The following ZCWPW2 variants were observed in gnomAD, a reference collection of about 807,000 sequenced individuals.
The protein encoded by ZCWPW2 is zinc finger CW-type PWWP domain protein 2.
In ZCWPW2, 45 loss-of-function variants were observed where a neutral mutation model predicts 46.6. That is an observed-to-expected ratio of 0.96 (90% CI 0.76 to 1.24). The LOEUF (loss-of-function observed/expected upper bound fraction) is 1.24, where lower values mean the gene tolerates loss of function less well. ZCWPW2 is among the 50% of genes most tolerant of loss of function. The pLI is 0.00. For synonymous variants in ZCWPW2, 152 were observed against 137.1 expected, an observed-to-expected ratio of 1.11 and a Z score of -0.76; for missense variants, 429 against 403.9, an observed-to-expected ratio of 1.06 and a Z score of -0.53.
intron 2 of ZCWPW2, among the ~76,000 whole-genome samples, chr3:28,402,354 C>T (rs1695980906): frequency 6.6e-6 from 1 of 152,072 alleles, no homozygotes; most frequent in South Asian, 2.1e-4. Context: ...TGGAAAGATA[C>T]ACCCCTGTTA....
chr3:28,477,870 CATT>C (rs1699290403), intron 4 of ZCWPW2, among the ~76,000 whole-genome samples: 2 of 151,986 alleles, frequency 1.3e-5, no homozygotes, highest in South Asian at 4.2e-4. Flanking sequence ...CATTTAAAAA[CATT>C]ATAAAAATCC....
intron 2 of ZCWPW2, 150 bp downstream of exon 2, chr3:28,390,767 A>G (rs924305335): frequency 4.1e-5 from 26 of 627,896 alleles, no homozygotes; most frequent in Non-Finnish European, 5.2e-5. Flanking sequence ...TTCAGATAAA[A>G]TTAAAATACT....
At chr3:28,519,246 G>T (rs1700656182) in intron 8 of ZCWPW2, among the ~76,000 whole-genome samples, 1 of 152,282 alleles carries the variant, frequency 6.6e-6, no homozygotes, top group East Asian at 1.9e-4. Flanking sequence ...TATTTTGAAA[G>T]AGGTTTTCCA....
At chr3:28,522,644 A>G (rs1301515252) in intron 9 of ZCWPW2, among the ~76,000 whole-genome samples, 5 of 152,188 alleles carry the variant, frequency 3.3e-5, no homozygotes, top group East Asian at 1.9e-4. Flanking sequence ...AAGGAAAGTA[A>G]TATTAACGTT....
At chr3:28,362,846 TGTG>T in intron 1 of ZCWPW2, among the ~76,000 whole-genome samples, 1 of 152,040 alleles carries the variant, frequency 6.6e-6, no homozygotes, top group East Asian at 1.9e-4. Context: ...ATAAAGAAAA[TGTG>T]GTACATATAC....
At chr3:28,400,124 A>C (rs1318570558) in intron 2 of ZCWPW2, among the ~76,000 whole-genome samples, 2 of 152,206 alleles carry the variant, frequency 1.3e-5, no homozygotes, top group Admixed American at 6.5e-5. Context: ...ACACACTTAT[A>C]GAAATGCAAA....
intron 1 of ZCWPW2, among the ~76,000 whole-genome samples, chr3:28,363,084 C>G (rs997546762): frequency 1.3e-5 from 2 of 151,432 alleles, no homozygotes; most frequent in Non-Finnish European, 2.9e-5. Context: ...GGGAGAGGTT[C>G]AGAAAAAAAA....
intron 6 of ZCWPW2, among the ~76,000 whole-genome samples, chr3:28,501,676 A>G (rs143381487): frequency 6.6e-6 from 1 of 152,204 alleles, no homozygotes; most frequent in African/African-American, 2.4e-5. Context: ...TTCCTTACCC[A>G]GAAAGTTTCC....
chr3:28,414,571 A>G (rs1696562682), intron 3 of ZCWPW2, among the ~76,000 whole-genome samples: 1 of 146,036 alleles, frequency 6.8e-6, no homozygotes, highest in African/African-American at 2.6e-5. Context: ...CTCGTCATTT[A>G]GCGTTAGGTA....
intron 5 of ZCWPW2, among the ~76,000 whole-genome samples, chr3:28,489,844 T>C (rs2125814923): frequency 6.6e-6 from 1 of 152,232 alleles, no homozygotes; most frequent in East Asian, 1.9e-4. Flanking sequence ...TTTTTACTCC[T>C]GGACCTAATT....
At position 28,362,201 on chromosome 3, in the gene ZCWPW2, T is replaced by G. The variant is rs570042982; in HGVS notation, c.-134+12998T>G. Among the ~76,000 whole-genome samples the G allele has an allele frequency of 7.2e-5, 11 of 152,268 alleles. No homozygotes were observed. The East Asian group carries it at 1.9e-3, about 27-fold the overall frequency. The stretch of plus-strand genomic sequence containing the variant: ...AATATCCTTCAGCCTTAAAAAAGTT[T>G]AGTTATATAAGATGAAAATGTTCTT... On this transcript the variant is annotated intron_variant, in intron 1 of 9. Coordinates refer to ENST00000383768, the MANE Select transcript of ZCWPW2 (RefSeq NM_001040432.4).
intron 2 of ZCWPW2, among the ~76,000 whole-genome samples, chr3:28,400,256 A>G (rs2125726997): frequency 6.6e-6 from 1 of 152,226 alleles, no homozygotes; most frequent in South Asian, 2.1e-4. Flanking sequence ...AACAAAAAAG[A>G]AAATATGAAC....
chr3:28,376,963 T>C (rs1032676049), intron 1 of ZCWPW2, among the ~76,000 whole-genome samples: 2 of 152,140 alleles, frequency 1.3e-5, no homozygotes, highest in African/African-American at 2.4e-5. Context: ...GATTTTAGTT[T>C]TGAGGTTGAA....
chr3:28,500,467 AT>A (rs1267589204), intron 6 of ZCWPW2, among the ~76,000 whole-genome samples: 1 of 152,110 alleles, frequency 6.6e-6, no homozygotes, highest in Admixed American at 6.6e-5. Flanking sequence ...ACCTACAGAA[AT>A]TATGTGTATC....
At chr3:28,512,614 C>T (rs1453193096) in intron 6 of ZCWPW2, among the ~76,000 whole-genome samples, 2 of 145,154 alleles carry the variant, frequency 1.4e-5, no homozygotes, top group African/African-American at 4.9e-5. Context: ...TGATTCTTAG[C>T]TACTTTTCCA....
chr3:28,435,226 G>C lies in ZCWPW2; in HGVS notation c.449G>C (p.Trp150Ser). The C allele has an allele frequency of 6.2e-7, 1 of 1,612,994 alleles. No homozygotes were observed. The highest frequency in any genetic ancestry group is 1.7e-5 in the Admixed American group (1 of 59,592). Residue 150 changes from tryptophan (W) to serine (S), a missense_variant, in exon 4 of 10, where the codon TGG becomes TCG. Physicochemically the swap from Trp to Ser is radical, Grantham distance 177. Transcript: ENST00000383768. ...EFLGDPHSRS[W>S]IKATFVGHYS... ...CTGGGCGATCCCCATTCAAGATCATGGATAAAGGCAACATTCGTTGGACAT... is the reference window on the plus strand; with the variant it reads ...CTGGGCGATCCCCATTCAAGATCATCGATAAAGGCAACATTCGTTGGACAT...
chr3:28,403,656 C>T (rs1042779242), intron 2 of ZCWPW2, among the ~76,000 whole-genome samples: 2 of 152,032 alleles, frequency 1.3e-5, no homozygotes, highest in Admixed American at 6.6e-5. Context: ...ACTATAAGGC[C>T]ATAGTCACCA....
In ZCWPW2 at chr3:28,526,137, A is replaced by T. The variant is rs934357951; in HGVS notation, c.*1449A>T. Among the ~76,000 whole-genome samples, 10 of 152,248 alleles carry T rather than the reference A, an allele frequency of 6.6e-5. No homozygotes were observed. Among genetic ancestry groups the T allele is most frequent in the African/African-American group, 1.7e-4 (7 of 41,552 alleles). On this transcript the variant is annotated 3_prime_UTR_variant, in exon 10 of 10. Transcript: ENST00000383768. ...CACTGTTGTGAGGAATAAATGAGAT[A>T]TTTTTTGTGAAAGTGGTTTGTAAAT...
intron 1 of ZCWPW2, among the ~76,000 whole-genome samples, chr3:28,369,872 C>T (rs1265949875): frequency 3.9e-5 from 6 of 152,200 alleles, no homozygotes; most frequent in South Asian, 2.1e-4. Context: ...GCCCCTCCCC[C>T]AGCCTCGCTG....
Sources: allele counts gnomAD v4.1 joint callset (sites outside exome capture counted in the v4.1 genomes callset), GRCh38; gene constraint gnomAD v4.1.1; transcripts MANE v1.5; gene names NCBI Gene and HGNC (gene_info 2026-07-23, HGNC 2026-07-21).